The following MYO9A variants were observed in gnomAD, a reference collection of about 807,000 sequenced individuals.
The protein encoded by MYO9A is unconventional myosin-IXa.
Under a neutral mutation model 293.3 loss-of-function variants are expected in MYO9A, and 103 were observed. The ratio of observed to expected loss-of-function variants is 0.35; its 90% confidence interval spans 0.30 to 0.41. MYO9A has a LOEUF of 0.41. MYO9A is among the 10% of genes least tolerant of loss of function. The pLI is 1.00. For missense variants in MYO9A, 2,685 were observed against 3,033.0 expected, an observed-to-expected ratio of 0.89 and a Z score of 2.69; for synonymous variants, 1,001 against 1,035.7, an observed-to-expected ratio of 0.97 and a Z score of 0.64.
At chr15:72,102,922 T>C (rs1247792855) in intron 1 of MYO9A, among the ~76,000 whole-genome samples, 3 of 151,892 alleles carry the variant, frequency 2.0e-5, no homozygotes, top group Non-Finnish European at 2.9e-5. Context: ...CATAATTATA[T>C]ATATAGGAAA....
intron 18 of MYO9A, among the ~76,000 whole-genome samples, chr15:71,920,441 G>A (rs1341707670): frequency 1.3e-5 from 2 of 152,094 alleles, no homozygotes; most frequent in African/African-American, 4.8e-5. Flanking sequence ...CAAAAGAGCT[G>A]CCATGTTAAA....
chr15:72,035,643 A>G (rs148610553), intron 2 of MYO9A, among the ~76,000 whole-genome samples: 2 of 152,222 alleles, frequency 1.3e-5, no homozygotes, highest in African/African-American at 4.8e-5. Flanking sequence ...TCTCTACAAA[A>G]AGTTTTTAAA....
chr15:71,932,292 C>T (rs932117264), intron 18 of MYO9A, among the ~76,000 whole-genome samples: 3 of 152,070 alleles, frequency 2.0e-5, no homozygotes, highest in Non-Finnish European at 4.4e-5. Context: ...CCACTGAATG[C>T]CCATTTATTT....
chr15:72,005,280 C>T (rs577974823), intron 8 of MYO9A, among the ~76,000 whole-genome samples: 13 of 152,240 alleles, frequency 8.5e-5, no homozygotes, highest in African/African-American at 3.1e-4. Flanking sequence ...CTGGTTTGCC[C>T]AATTCTCAGA....
intron 1 of MYO9A, among the ~76,000 whole-genome samples, chr15:72,059,092 T>C (rs1293196965): frequency 6.6e-6 from 1 of 152,192 alleles, no homozygotes; most frequent in East Asian, 1.9e-4. Context: ...TCAAGTTACC[T>C]CTCTGTATAT....
chr15:71,859,858 T>C (rs183174937), intron 33 of MYO9A, 62 bp from the exon 34 acceptor site: 8 of 1,405,500 alleles, frequency 5.7e-6, no homozygotes, highest in Middle Eastern at 2.0e-4. Context: ...TAATAACTTA[T>C]CAAGTATACT....
chr15:72,053,664 G>A (rs140058231), intron 1 of MYO9A, among the ~76,000 whole-genome samples: 5 of 152,270 alleles, frequency 3.3e-5, no homozygotes, highest in African/African-American at 7.2e-5. Context: ...GGTGAAGGGT[G>A]GAAGGAAGGC....
chr15:71,850,380 C>G (rs1480100370), intron 37 of MYO9A, among the ~76,000 whole-genome samples: 1 of 152,108 alleles, frequency 6.6e-6, no homozygotes, highest in Non-Finnish European at 1.5e-5. Flanking sequence ...CTTGTTCTTT[C>G]CTTGAAGCAG....
intron 26 of MYO9A, chr15:71,892,693 G>C (rs2057213215): frequency 5.2e-6 from 1 of 193,800 alleles, no homozygotes; most frequent in South Asian, 9.6e-5. Context: ...AAAATGTAAG[G>C]ACCACTGCTC....
chr15:72,105,502 CTTTTTTTTTTT>C (rs35861022), intron 1 of MYO9A, among the ~76,000 whole-genome samples: 1 of 89,270 alleles, frequency 1.1e-5, no homozygotes, highest in Non-Finnish European at 2.1e-5. Flanking sequence ...GCTGGGAAAG[CTTTTTTTTTTT>C]TTTTTTTTTT....
intron 10 of MYO9A, among the ~76,000 whole-genome samples, chr15:71,992,775 GT>G (rs2076577079): frequency 6.6e-6 from 1 of 151,496 alleles, no homozygotes; most frequent in Non-Finnish European, 1.5e-5. Flanking sequence ...TAAAAATATA[GT>G]TAGAAAAAGT....
intron 18 of MYO9A, among the ~76,000 whole-genome samples, chr15:71,921,210 C>T (rs185249721): frequency 6.6e-6 from 1 of 152,282 alleles, no homozygotes; most frequent in East Asian, 1.9e-4. Context: ...CAAAACAGAG[C>T]TATCATCTTG....
chr15:71,975,280 C>T (rs933503557), intron 12 of MYO9A, among the ~76,000 whole-genome samples: 6 of 147,814 alleles, frequency 4.1e-5, no homozygotes, highest in East Asian at 2.0e-4. Flanking sequence ...AAAGCCAGGG[C>T]GTGGCCTATG....
intron 1 of MYO9A, among the ~76,000 whole-genome samples, chr15:72,116,365 C>T (rs938342445): frequency 6.6e-6 from 1 of 152,118 alleles, no homozygotes; most frequent in Non-Finnish European, 1.5e-5. Context: ...ACGTACTGAT[C>T]ATTTGATGCA....
intron 7 of MYO9A, 44 bp downstream of exon 7, chr15:72,010,306 T>G: frequency 6.6e-7 from 1 of 1,510,134 alleles, no homozygotes; most frequent in Non-Finnish European, 9.2e-7. Flanking sequence ...AGACATATCA[T>G]GTGTTCTCTA....
intron 26 of MYO9A, chr15:71,893,208 C>T (rs903360082): frequency 8.1e-7 from 1 of 1,236,656 alleles, no homozygotes; most frequent in Non-Finnish European, 1.0e-6. Flanking sequence ...ACAAATAACA[C>T]AACAATGTTT....
chr15:71,878,100 A>T lies in MYO9A; in HGVS notation c.5871T>A (p.Phe1957Leu). The change falls in exon 31 of 42, where the codon TTT becomes TTA. Residue 1957 changes from phenylalanine to leucine, a missense_variant. Around this residue, in one of 10 missense-constraint regions of MYO9A, gnomAD observed 1,434 missense variants for 1,497.7 expected, o/e 0.96. Transcript: ENST00000356056. ...ESPVRVWVNT[F>L]KVFLDEYMNE... Reference sequence around the variant, plus strand: ...TCATATATTCATCTAAAAACACTTTAAAAGTGTTGACCCAAACTCTCACTG... The same window carrying T: ...TCATATATTCATCTAAAAACACTTTTAAAGTGTTGACCCAAACTCTCACTG... 1 of 1,610,918 alleles carries T rather than the reference A, an allele frequency of 6.2e-7. No homozygotes were observed. The highest frequency in any genetic ancestry group is 8.5e-7 in the Non-Finnish European group (1 of 1,178,838).
chr15:72,049,409 A>C (rs779561566), intron 1 of MYO9A, among the ~76,000 whole-genome samples: 7 of 152,152 alleles, frequency 4.6e-5, no homozygotes, highest in Non-Finnish European at 7.4e-5. Context: ...TGAATCCCTA[A>C]GTGTTTGCTT....
At chr15:71,859,696 AG>A (rs1286102251) in intron 34 of MYO9A, 38 bp downstream of exon 34, 4 of 1,520,502 alleles carry the variant, frequency 2.6e-6, no homozygotes, top group Non-Finnish European at 3.6e-6. Context: ...AAAGACCAAC[AG>A]GTCTGTTATC....
Sources: gnomAD v4.1 joint callset for allele counts (sites outside exome capture counted in the v4.1 genomes callset) on GRCh38, gnomAD v4.1.1 for gene constraint, gnomAD v4.1.1 regional missense constraint, MANE v1.5 for transcripts, NCBI Gene and HGNC (gene_info 2026-07-23, HGNC 2026-07-21) for gene names.